DPH6: variants seen among roughly 807,000 people sequenced by gnomAD.
DPH6 encodes diphthamine biosynthesis 6, also known as diphthine--ammonia ligase.
A neutral mutation model predicts 38.2 loss-of-function variants in DPH6; 33 were observed. That is an observed-to-expected ratio of 0.86 (90% CI 0.65 to 1.15). The LOEUF (loss-of-function observed/expected upper bound fraction) is 1.15, where lower values mean the gene tolerates loss of function less well. Ranked by LOEUF, DPH6 falls within the 50% of genes most tolerant of loss-of-function variation. DPH6 has a pLI of 0.00. For synonymous variants in DPH6, 108 were observed against 103.0 expected (o/e 1.05, Z -0.30); for missense variants, 325 against 320.0 (o/e 1.02, Z -0.12).
chr15:35,323,685 A>C (rs1595478824), intron 3 of DPH6, among the ~76,000 whole-genome samples: 2 of 152,322 alleles, frequency 1.3e-5, no homozygotes, highest in East Asian at 3.9e-4. Context: ...AATGTTCTAA[A>C]GTTATTCTGC....
At chr15:35,409,410 T>C (rs1422638731) in intron 6 of DPH6, among the ~76,000 whole-genome samples, 1 of 151,950 alleles carries the variant, frequency 6.6e-6, no homozygotes, top group South Asian at 2.1e-4. Context: ...GAAGAATCAT[T>C]GAATAAAATG....
chr15:35,296,386 C>T (rs931902350), intron 3 of DPH6, among the ~76,000 whole-genome samples: 24 of 152,288 alleles, frequency 1.6e-4, no homozygotes, highest in East Asian at 1.2e-3. Context: ...TAGCTCCCTT[C>T]GTCTAAAATT....
At chr15:35,493,484 A>G (rs1298335647) in intron 3 of DPH6, among the ~76,000 whole-genome samples, 2 of 152,180 alleles carry the variant, frequency 1.3e-5, no homozygotes, top group African/African-American at 2.4e-5. Flanking sequence ...CAAATACATA[A>G]TACTTGAAGA....
chr15:35,298,047 T>G (rs1179819554), intron 3 of DPH6, among the ~76,000 whole-genome samples: 1 of 152,146 alleles, frequency 6.6e-6, no homozygotes, highest in African/African-American at 2.4e-5. Context: ...CATTTTCTTT[T>G]TGTTTTTTTT....
At chr15:35,175,255 C>T in the DPH6 span, among the ~76,000 whole-genome samples, 1 of 152,280 alleles carries the variant, frequency 6.6e-6, no homozygotes, top group East Asian at 1.9e-4. Context: ...ATAACACTCA[C>T]CCTGTTTTCA....
At chr15:35,283,208 TCC>T (rs2051913990) in intron 3 of DPH6, among the ~76,000 whole-genome samples, 3 of 149,714 alleles carry the variant, frequency 2.0e-5, no homozygotes, top group African/African-American at 7.4e-5. Context: ...TCTTCTTTCT[TCC>T]TCTTCCTCTT....
At chr15:35,525,223 C>T (rs975420109) in intron 3 of DPH6, among the ~76,000 whole-genome samples, 1 of 152,140 alleles carries the variant, frequency 6.6e-6, no homozygotes, top group African/African-American at 2.4e-5. Flanking sequence ...AAATCAAGAG[C>T]AATGCCTTGA....
intron 3 of DPH6, among the ~76,000 whole-genome samples, chr15:35,250,823 T>G (rs2051668957): frequency 6.6e-6 from 1 of 152,184 alleles, no homozygotes; most frequent in South Asian, 2.1e-4. Flanking sequence ...GCTTTGTGAG[T>G]AGGCAGAAAG....
At chr15:35,472,997 C>T (rs1047973971) in intron 3 of DPH6, among the ~76,000 whole-genome samples, 6 of 151,734 alleles carry the variant, frequency 4.0e-5, no homozygotes, top group African/African-American at 1.5e-4. Flanking sequence ...AGGGCTACCA[C>T]CTCAACTTAA....
intron 3 of DPH6, 140 bp from the exon 4 acceptor site, chr15:35,454,960 C>A: frequency 1.8e-6 from 1 of 557,526 alleles, no homozygotes. Context: ...ATATAATCGA[C>A]ATTCAGAAAA....
At chr15:35,297,106 G>A (rs925855131) in intron 3 of DPH6, among the ~76,000 whole-genome samples, 12 of 152,056 alleles carry the variant, frequency 7.9e-5, no homozygotes, top group African/African-American at 2.7e-4. Context: ...CCAACACACA[G>A]ATTTAGATTC....
chr15:35,194,959 C>T, the DPH6 span, among the ~76,000 whole-genome samples: 1 of 152,092 alleles, frequency 6.6e-6, no homozygotes, highest in African/African-American at 2.4e-5. Context: ...TTGAATTGTA[C>T]AATTAGTTAT....
At chr15:35,420,074 T>C (rs753127428) in intron 5 of DPH6, among the ~76,000 whole-genome samples, 1 of 152,186 alleles carries the variant, frequency 6.6e-6, no homozygotes, top group Non-Finnish European at 1.5e-5. Context: ...GTTAAAATCA[T>C]GTCAAGTATC....
At chr15:35,175,798 C>T in the DPH6 span, among the ~76,000 whole-genome samples, 1 of 152,138 alleles carries the variant, frequency 6.6e-6, no homozygotes, top group Non-Finnish European at 1.5e-5. Context: ...ACACTGAACG[C>T]AGTAAAAGAG....
intron 3 of DPH6, among the ~76,000 whole-genome samples, chr15:35,515,234 CCTCT>C (rs760086823): frequency 8.0e-4 from 122 of 151,922 alleles, no homozygotes; most frequent in Non-Finnish European, 1.5e-3. Flanking sequence ...GACTTCTTTT[CCTCT>C]CTTTCATTCA....
At chr15:35,542,945 A>AACATATATATATATATATATATATATAT (rs918808642) in intron 1 of DPH6, among the ~76,000 whole-genome samples, 3 of 30,232 alleles carry the variant, frequency 9.9e-5, no homozygotes, top group African/African-American at 2.5e-4. Context: ...CCACTTAAGG[A>AACATATATATATATATATATATATATAT]ATATATATAT....
downstream of DPH6, among the ~76,000 whole-genome samples, chr15:35,327,186 A>C (rs187062127): frequency 6.6e-6 from 1 of 152,300 alleles, no homozygotes; most frequent in African/African-American, 2.4e-5. Flanking sequence ...ATTATGTGTA[A>C]TGTTGCAAGC....
chr15:35,480,679 T>A (rs953198872), intron 3 of DPH6, among the ~76,000 whole-genome samples: 1 of 150,806 alleles, frequency 6.6e-6, no homozygotes, highest in African/African-American at 2.5e-5. Flanking sequence ...CTAACATAAT[T>A]TAGTAGCAGA....
At chr15:35,423,398 C>T (rs1387087434) in intron 5 of DPH6, among the ~76,000 whole-genome samples, 1 of 151,594 alleles carries the variant, frequency 6.6e-6, no homozygotes, top group Admixed American at 6.6e-5. Context: ...AGTTATTTGT[C>T]TTTTTGCTAT....
Sources: gnomAD v4.1 joint callset for allele counts (sites outside exome capture counted in the v4.1 genomes callset) on GRCh38, gnomAD v4.1.1 for gene constraint, MANE v1.5 for transcripts, NCBI Gene and HGNC (gene_info 2026-07-23, HGNC 2026-07-21) for gene names.